Variants in ATP11A observed in about 807,000 individuals in gnomAD.
ATP11A encodes ATPase phospholipid transporting 11A.
ATP11A carries 81 observed loss-of-function variants against 154.4 expected under a neutral mutation model. The observed-to-expected ratio is 0.52, with a 90% CI of 0.44 to 0.63. The LOEUF (loss-of-function observed/expected upper bound fraction) is 0.63. Ranked by LOEUF, ATP11A falls within the 30% of genes least tolerant of loss-of-function variation. The pLI, the probability that ATP11A is intolerant of heterozygous loss-of-function variation, is 0.00. For missense variants in ATP11A, 1,316 were observed against 1,474.3 expected, an observed-to-expected ratio of 0.89 and a Z score of 1.76; for synonymous variants, 623 against 585.9, an observed-to-expected ratio of 1.06 and a Z score of -0.91.
intron 1 of ATP11A, among the ~76,000 whole-genome samples, chr13:112,761,872 G>C (rs536602233): frequency 6.6e-6 from 1 of 152,154 alleles, no homozygotes; most frequent in East Asian, 1.9e-4. Flanking sequence ...ACACCTGTTC[G>C]GCCAGGTTGC....
intron 1 of ATP11A, among the ~76,000 whole-genome samples, chr13:112,773,975 G>A (rs1312244539): frequency 1.3e-5 from 2 of 152,008 alleles, no homozygotes; most frequent in African/African-American, 2.4e-5. Flanking sequence ...CTCACAGAGC[G>A]GTGGAAGGCA....
chr13:112,866,863 C>T (rs1217430793), intron 25 of ATP11A, among the ~76,000 whole-genome samples: 1 of 151,980 alleles, frequency 6.6e-6, no homozygotes, highest in East Asian at 1.9e-4. Flanking sequence ...TCTTGAGAAC[C>T]AATTCAAATA....
Position 112,733,458 on chromosome 13 carries a change from A to T in ATP11A, c.39+43003A>T, listed in dbSNP as rs77953469. On this transcript the variant is annotated intron_variant, in intron 1 of 29. Coordinates refer to ENST00000375645, the MANE Select transcript of ATP11A (RefSeq NM_015205.3). ...GTTTCACTGTTTTTACTAACACTGG[A>T]TATTAACAATTTAAAACACCTTTGA... Among the ~76,000 whole-genome samples the T allele has an allele frequency of 2.9e-3, 444 of 152,356 alleles. 3 individuals are homozygous for T. Among genetic ancestry groups the T allele is most frequent in the African/African-American group, 0.01 (426 of 41,590 alleles).
rs969626338 is a variant in ATP11A at position 112,697,937 on chromosome 13, A to G, written c.39+7482A>G. Among the ~76,000 whole-genome samples the G allele has an allele frequency of 2.6e-5, 4 of 152,060 alleles. No individual in the cohort carries two copies. The highest frequency in any genetic ancestry group is 5.9e-5 in the Non-Finnish European group (4 of 68,014). On this transcript the variant is annotated intron_variant, in intron 1 of 29. Transcript: ENST00000375645. The surrounding 1 kb of genome is among the most constrained non-coding windows in gnomAD (Gnocchi z 4.0). Reference sequence around the variant, plus strand: ...AACTAGACTCTGATCCCTGGAAACAACATGCCAACCTCTGGCATGCAGGAC... The same window carrying G: ...AACTAGACTCTGATCCCTGGAAACAGCATGCCAACCTCTGGCATGCAGGAC...
chr13:112,694,422 C>T (rs567908670), intron 1 of ATP11A, among the ~76,000 whole-genome samples: 3 of 152,138 alleles, frequency 2.0e-5, no homozygotes, highest in Non-Finnish European at 4.4e-5. Flanking sequence ...CTGCTGGCGT[C>T]GTGGGTCACA....
intron 1 of ATP11A, among the ~76,000 whole-genome samples, chr13:112,714,492 GC>G (rs1301712003): frequency 6.6e-6 from 1 of 152,098 alleles, no homozygotes; most frequent in Non-Finnish European, 1.5e-5. Context: ...CCCGAACCCT[GC>G]CCAGCTCTGG....
rs573788903 is a variant in ATP11A at position 112,853,069 on chromosome 13, A to G, written c.1992-1210A>G. Among the ~76,000 whole-genome samples the G allele has an allele frequency of 5.4e-4, 82 of 151,910 alleles. 1 individual carries two copies. The highest frequency in any genetic ancestry group is 1.9e-3 in the African/African-American group (77 of 41,424). ...GATCCCATCTCTTGAATTTTTTTTT[A>G]ATTAGTCAAGCATGGTAGCAGGCAC... On this transcript the variant is annotated intron_variant, in intron 18 of 29. Coordinates refer to ENST00000375645, the MANE Select transcript of ATP11A (RefSeq NM_015205.3).
chr13:112,789,609 G>T (rs12017485), intron 2 of ATP11A, among the ~76,000 whole-genome samples: 6,312 of 116,948 alleles, frequency 0.054, 157 homozygotes, highest in African/African-American at 0.23. Context: ...CCCCTGTGGA[G>T]ACCTACTTAA....
chr13:112,865,208 C>T (rs1487057407), intron 25 of ATP11A, among the ~76,000 whole-genome samples: 1 of 102,550 alleles, frequency 9.8e-6, no homozygotes, highest in South Asian at 3.4e-4. Context: ...TAATTCAGTG[C>T]AGCACGTGCA....
chr13:112,742,642 C>G (rs149619781), intron 1 of ATP11A, among the ~76,000 whole-genome samples: 1 of 152,254 alleles, frequency 6.6e-6, no homozygotes, highest in Non-Finnish European at 1.5e-5. Context: ...AGCGCAACAT[C>G]GGCTTCCTGA....
In ATP11A at chr13:112,773,708, T is replaced by G. The variant is rs1384471266; in HGVS notation, c.40-11427T>G. 2.0e-5 allele frequency among the ~76,000 whole-genome samples: 3 copies of G among 152,364 alleles called. No individual in the cohort carries two copies. In the East Asian group the frequency reaches 5.8e-4, roughly 29 times the overall value. On this transcript the variant is annotated intron_variant, in intron 1 of 29. Transcript: ENST00000375645. ...GTTGATAGCAGCTGTGGCGCTGGGC[T>G]CCATGCAGCCTGCAGCAGAACAGGG...
Position 112,690,443 on chromosome 13 carries a change from C to T in ATP11A, c.27C>T (p.Leu9=). Residue 9 remains leucine, a synonymous_variant, in exon 1 of 30, where the codon CTC becomes CTT. Coordinates refer to ENST00000375645, the MANE Select transcript of ATP11A (RefSeq NM_015205.3). This position sits in a 1 kb window ranked among gnomAD's most constrained non-coding sequence, Gnocchi z 5.6. The part of the protein sequence containing the change: MDCSLVRT[L]VHRYCAGEEN... ...TGGACTGCAGCCTCGTGCGGACGCT[C>T]GTGCACAGATACGTGAGTGCTCCCG... 19 of 1,358,124 alleles carry T rather than the reference C, an allele frequency of 1.4e-5. No homozygotes were observed. Among genetic ancestry groups the T allele is most frequent in the East Asian group, 2.8e-5 (1 of 35,090 alleles). 84.1% of individuals were successfully genotyped at this position (1,358,124 alleles called of 1,614,324 possible). A position where few individuals can be genotyped will look rare whatever the true frequency, so the allele number is the denominator to read the frequency against.
At position 112,875,930 on chromosome 13, in the gene ATP11A, G is replaced by C. The variant is rs781187093; in HGVS notation, c.3316G>C (p.Glu1106Gln). 5 of 1,611,540 alleles carry C rather than the reference G, an allele frequency of 3.1e-6. No individual in the cohort carries two copies. Among genetic ancestry groups the C allele is most frequent in the Non-Finnish European group, 4.2e-6 (5 of 1,179,994 alleles). The change falls in exon 28 of 30, where the codon GAG becomes CAG. Residue 1106 changes from glutamate (E) to glutamine (Q), a missense_variant. Around this residue, in one of 5 missense-constraint regions of ATP11A, gnomAD observed 294 missense variants for 290.2 expected, o/e 1.01. Transcript: ENST00000375645. This position sits in a 1 kb window ranked among gnomAD's most constrained non-coding sequence, Gnocchi z 4.1. ...CCGGCAGCTGTGGCCAACAGCAACA[G>C]AGAGAGTCCAGGTACGGAGTGTCCC... ...LCRQLWPTAT[E>Q]RVQTKSQCLS...
rs1050254579 is a variant in ATP11A at position 112,882,800 on chromosome 13, C to T, written c.*934C>T. 1.5e-5 allele frequency: 6 copies of T among 399,152 alleles called. No individual in the cohort carries two copies. The highest frequency in any genetic ancestry group is 1.3e-4 in the South Asian group (1 of 7,882). 24.7% of individuals were successfully genotyped at this position (399,152 alleles called of 1,614,324 possible). On this transcript the variant is annotated 3_prime_UTR_variant, in exon 30 of 30. Transcript: ENST00000375645. The surrounding 1 kb of genome is among the most constrained non-coding windows in gnomAD (Gnocchi z 5.1). ...ATGTTGATTTCGCGGGTGCGAGGGCCGGGAGACAGATACTTGGCTGTGATG... is the reference window on the plus strand; with the variant it reads ...ATGTTGATTTCGCGGGTGCGAGGGCTGGGAGACAGATACTTGGCTGTGATG...
intron 24 of ATP11A, 53 bp downstream of exon 24, chr13:112,860,467 A>T (rs1209851410): frequency 6.2e-7 from 1 of 1,602,864 alleles, no homozygotes; most frequent in South Asian, 1.1e-5. Flanking sequence ...ACTAGGCAGC[A>T]CTCTGGCAGT....
intron 6 of ATP11A, among the ~76,000 whole-genome samples, chr13:112,818,339 G>T (rs1248385166): frequency 6.6e-6 from 1 of 151,898 alleles, no homozygotes; most frequent in Admixed American, 6.5e-5. Context: ...CCGTTGGTGC[G>T]CTTGGTGACG....
chr13:112,852,786 G>T (rs938289791), intron 18 of ATP11A, among the ~76,000 whole-genome samples: 2 of 140,212 alleles, frequency 1.4e-5, no homozygotes, highest in African/African-American at 5.9e-5. Context: ...CCTGGTTGGC[G>T]GGGGGGGATC....
chr13:112,813,121 A>G (rs1830394943), intron 5 of ATP11A, among the ~76,000 whole-genome samples: 1 of 152,248 alleles, frequency 6.6e-6, no homozygotes. Flanking sequence ...TTTTCCTACA[A>G]CGGCAGACAT....
At chr13:112,691,480 AAG>A in intron 1 of ATP11A, among the ~76,000 whole-genome samples, 1 of 97,204 alleles carries the variant, frequency 1.0e-5, no homozygotes, top group African/African-American at 4.3e-5. Context: ...AAAAAAAAAA[AAG>A]GGTGTGTGTG....
Sources: gnomAD v4.1 joint callset for allele counts (sites outside exome capture counted in the v4.1 genomes callset) on GRCh38, gnomAD v4.1.1 for gene constraint, gnomAD v4.1.1 regional missense constraint, Gnocchi (gnomAD v3.1) non-coding constraint, MANE v1.5 for transcripts, NCBI Gene and HGNC (gene_info 2026-07-23, HGNC 2026-07-21) for gene names.